RBSN: variants seen among roughly 807,000 people sequenced by gnomAD.
RBSN encodes rabenosyn, RAB effector.
Under a neutral mutation model 60.5 loss-of-function variants are expected in RBSN, and 34 were observed. The observed-to-expected ratio is 0.56, with a 90% confidence interval of 0.43 to 0.75. RBSN has a LOEUF of 0.75. Ranked by LOEUF, RBSN falls within the 30% of genes least tolerant of loss-of-function variation. RBSN has a pLI of 0.00. For synonymous variants in RBSN, 322 were observed against 366.9 expected, an observed-to-expected ratio of 0.88 and a Z score of 1.40; for missense variants, 845 against 986.8, an observed-to-expected ratio of 0.86 and a Z score of 1.92.
intron 6 of RBSN, 115 bp from the exon 7 acceptor site, chr3:15,085,160 G>A: frequency 1.6e-6 from 2 of 1,250,848 alleles, no homozygotes; most frequent in South Asian, 2.7e-5. Context: ...AGTCTCATCT[G>A]TCATCCCCAA....
At chr3:15,083,101 T>C (rs550307463) in intron 8 of RBSN, among the ~76,000 whole-genome samples, 3 of 152,282 alleles carry the variant, frequency 2.0e-5, no homozygotes, top group Admixed American at 6.5e-5. Context: ...AACCTATGAC[T>C]CTTTGTGGGT....
At chr3:15,078,231 G>T in intron 10 of RBSN, 70 bp from the exon 11 acceptor site, 1 of 1,370,940 alleles carries the variant, frequency 7.3e-7, no homozygotes, top group Non-Finnish European at 1.0e-6. Context: ...GTAGAAGGAC[G>T]CTAAAGGTGT....
rs2125144847 is a variant in RBSN, at chr3:15,071,009, A to G, written c.*2773T>C. 1 of 152,236 alleles carries G rather than the reference A, an allele frequency of 6.6e-6. No homozygotes were observed. Among genetic ancestry groups the G allele is most frequent in the East Asian group, 1.9e-4 (1 of 5,182 alleles). The allele number at this position is 152,236 out of a possible 1,614,324, so 9.4% of individuals were successfully genotyped here. A position where few individuals can be genotyped will look rare whatever the true frequency, so the allele number is the denominator to read the frequency against. On this transcript the variant is annotated 3_prime_UTR_variant, in exon 14 of 14. Transcript: ENST00000253699. ...CAGCTAATTTTTGTATTTTTAGTAG[A>G]CACGGGGTTTCACCATGTTGGCCAT... is the stretch of plus-strand genomic sequence containing the variant.
Position 15,072,551 on chromosome 3 carries a change from C to T in RBSN, c.*1231G>A, listed in dbSNP as rs779907193. ...TGTTCTGCAAAAGCTTCCAAATCAC[C>T]GATTCCTAAATTAGAGACCCGGCCT... On this transcript the variant is annotated 3_prime_UTR_variant, in exon 14 of 14. Transcript: ENST00000253699. The T allele has an allele frequency of 6.6e-6, 1 of 152,162 alleles. No individual in the cohort carries two copies. Among genetic ancestry groups the T allele is most frequent in the African/African-American group, 2.4e-5 (1 of 41,420 alleles). 9.4% of individuals were successfully genotyped at this position (152,162 alleles called of 1,614,324 possible). A position where few individuals can be genotyped will look rare whatever the true frequency, so the allele number is the denominator to read the frequency against.
At chr3:15,076,299 G>A (rs9842312) in intron 12 of RBSN, among the ~76,000 whole-genome samples, 44,697 of 152,048 alleles carry the variant, frequency 0.29, 6,697 homozygotes, top group Middle Eastern at 0.34. Flanking sequence ...ACAGGACTCT[G>A]TCTATTAGAT....
chr3:15,091,383 T>A (rs1004248966), intron 4 of RBSN: 1 of 1,175,610 alleles, frequency 8.5e-7, no homozygotes, highest in Non-Finnish European at 1.1e-6. Context: ...GGACTGGTGT[T>A]CCCCATAGGC....
chr3:15,093,359 G>C (rs1001039710), intron 4 of RBSN, among the ~76,000 whole-genome samples: 2 of 152,168 alleles, frequency 1.3e-5, no homozygotes, highest in African/African-American at 2.4e-5. Context: ...TAGTACTAGA[G>C]GTAGAGATGT....
chr3:15,093,484 T>G (rs2125184496), intron 4 of RBSN, among the ~76,000 whole-genome samples: 1 of 152,324 alleles, frequency 6.6e-6, no homozygotes, highest in African/African-American at 2.4e-5. Flanking sequence ...CTTGATCTCC[T>G]GAGCTGAAGC....
intron 5 of RBSN, among the ~76,000 whole-genome samples, chr3:15,089,613 CTTTTT>C (rs570035685): frequency 6.9e-6 from 1 of 143,928 alleles, no homozygotes. Flanking sequence ...ATTTTCTTTT[CTTTTT>C]TTTTTTTCTT....
chr3:15,083,250 T>C (rs749094888), intron 8 of RBSN, among the ~76,000 whole-genome samples: 2 of 152,092 alleles, frequency 1.3e-5, no homozygotes, highest in Non-Finnish European at 2.9e-5. Context: ...TTATAAAATC[T>C]CATGTGAGAC....
At chr3:15,093,345 T>C (rs2043566248) in intron 4 of RBSN, among the ~76,000 whole-genome samples, 1 of 152,200 alleles carries the variant, frequency 6.6e-6, no homozygotes. Context: ...GACATGATCA[T>C]TAATAGTACT....
At chr3:15,078,270 A>G in intron 10 of RBSN, 109 bp from the exon 11 acceptor site, 1 of 848,570 alleles carries the variant, frequency 1.2e-6, no homozygotes, top group Non-Finnish European at 2.0e-6. Flanking sequence ...TTAATTCTCT[A>G]AAGGTGGCAT....
chr3:15,089,050 C>A (rs1418568964), intron 5 of RBSN, among the ~76,000 whole-genome samples: 1 of 151,916 alleles, frequency 6.6e-6, no homozygotes, highest in Non-Finnish European at 1.5e-5. Context: ...GAAAGGTGAA[C>A]AAGATCATAA....
chr3:15,082,211 C>G lies in RBSN; in HGVS notation c.840+156G>C, dbSNP rs2043220165. On this transcript the variant is annotated intron_variant, in intron 9 of 13. Coordinates refer to ENST00000253699, the MANE Select transcript of RBSN (RefSeq NM_022340.4). The surrounding 1 kb of genome is among the most constrained non-coding windows in gnomAD (Gnocchi z 4.2). ...GGATGACTCTGACTCACACAGGGCC[C>G]TAGCTGGGAAATCATAACATGGGCC... Among the ~76,000 whole-genome samples, 1 of 152,172 alleles carries G rather than the reference C, an allele frequency of 6.6e-6. No individual in the cohort carries two copies. Among genetic ancestry groups the G allele is most frequent in the Non-Finnish European group, 1.5e-5 (1 of 68,028 alleles).
Position 15,082,362 on chromosome 3 carries a change from A to G in RBSN, c.840+5T>C. 2 of 1,608,810 alleles carry G rather than the reference A, an allele frequency of 1.2e-6. No homozygotes were observed. The highest frequency in any genetic ancestry group is 1.7e-6 in the Non-Finnish European group (2 of 1,175,438). On this transcript the variant is annotated splice_donor_5th_base_variant and intron_variant, in intron 9 of 13. Coordinates refer to ENST00000253699, the MANE Select transcript of RBSN (RefSeq NM_022340.4). The surrounding 1 kb of genome is among the most constrained non-coding windows in gnomAD (Gnocchi z 4.2). ...TTAGACCCAAGACCAGACAGCGCGA[A>G]TCACCTCGTAGAGCTTCACGATGTC...
At chr3:15,090,644 T>C in intron 4 of RBSN, 105 bp from the exon 5 acceptor site, 1 of 1,468,590 alleles carries the variant, frequency 6.8e-7, no homozygotes, top group Non-Finnish European at 9.1e-7. Context: ...TATCGTTTGT[T>C]TAAAAATGCA....
At chr3:15,085,498 G>T (rs1293091572) in intron 6 of RBSN, among the ~76,000 whole-genome samples, 1 of 152,178 alleles carries the variant, frequency 6.6e-6, no homozygotes, top group East Asian at 1.9e-4. Flanking sequence ...AAATACACCC[G>T]TGAGACCTGG....
intron 5 of RBSN, among the ~76,000 whole-genome samples, chr3:15,087,478 T>C (rs80091603): frequency 0.053 from 8,041 of 152,240 alleles, 250 homozygotes; most frequent in East Asian, 0.13. Flanking sequence ...GCAGCACACT[T>C]GAGCCTGGGT....
At position 15,077,063 on chromosome 3, in the gene RBSN, T is replaced by C. The variant is rs770958290; in HGVS notation, c.1100A>G (p.Gln367Arg). ...MIRYSATLFV[Q>R]EKLLGLMSLP... Reference sequence around the variant, plus strand: ...TATGCCAACCCAGGATGGCTTTACCTGCACAAAAAGTGTAGCTGAGTATCT... The same window carrying C: ...TATGCCAACCCAGGATGGCTTTACCCGCACAAAAAGTGTAGCTGAGTATCT... The change falls in exon 12 of 14, where the codon CAG becomes CGG. Residue 367 changes from glutamine to arginine, a missense_variant and splice_region_variant. Physicochemically the swap from Gln to Arg is conservative, Grantham distance 43. Coordinates refer to ENST00000253699, the MANE Select transcript of RBSN (RefSeq NM_022340.4). This position sits in a 1 kb window ranked among gnomAD's most constrained non-coding sequence, Gnocchi z 4.4. 2.5e-6 allele frequency: 4 copies of C among 1,614,048 alleles called. No homozygotes were observed. The South Asian group carries it at 4.4e-5, about 18-fold the overall frequency.
Sources: gnomAD v4.1 joint callset for allele counts (sites outside exome capture counted in the v4.1 genomes callset) on GRCh38, gnomAD v4.1.1 for gene constraint, Gnocchi (gnomAD v3.1) non-coding constraint, MANE v1.5 for transcripts, NCBI Gene and HGNC (gene_info 2026-07-23, HGNC 2026-07-21) for gene names.